Variants in GPHN observed in about 807,000 individuals in gnomAD.
GPHN encodes gephyrin.
In GPHN, 17 loss-of-function variants were observed where a neutral mutation model predicts 95.5. The observed-to-expected ratio is 0.18, with a 90% CI of 0.12 to 0.27. GPHN has a LOEUF of 0.27. GPHN is among the 10% of genes least tolerant of loss of function. GPHN has a pLI of 1.00. For synonymous variants in GPHN, 320 were observed against 322.5 expected, an observed-to-expected ratio of 0.99 and a Z score of 0.08; for missense variants, 660 against 978.1, an observed-to-expected ratio of 0.67 and a Z score of 4.34.
chr14:66,708,367 A>C (rs2069291457), intron 2 of GPHN, among the ~76,000 whole-genome samples: 2 of 152,124 alleles, frequency 1.3e-5, no homozygotes, highest in South Asian at 4.1e-4. Flanking sequence ...ATGCTTCCAC[A>C]AATGTTTTGG....
At chr14:66,986,264 G>A (rs1420454085) in intron 9 of GPHN, among the ~76,000 whole-genome samples, 1 of 152,054 alleles carries the variant, frequency 6.6e-6, no homozygotes, top group Non-Finnish European at 1.5e-5. Context: ...TTTATGTCAT[G>A]TAGTATAATG....
At chr14:67,126,781 A>G (rs2079345096) in intron 17 of GPHN, among the ~76,000 whole-genome samples, 1 of 151,918 alleles carries the variant, frequency 6.6e-6, no homozygotes, top group African/African-American at 2.4e-5. Context: ...ATGCTGCTAT[A>G]AAGACACATG....
chr14:66,834,763 G>C (rs555017439), intron 4 of GPHN, among the ~76,000 whole-genome samples: 2 of 150,576 alleles, frequency 1.3e-5, no homozygotes, highest in Non-Finnish European at 3.0e-5. Context: ...AATGATGCTG[G>C]CCTCATAAAA....
At chr14:67,693,649 C>T in the GPHN span, among the ~76,000 whole-genome samples, 37 of 148,496 alleles carry the variant, frequency 2.5e-4, no homozygotes, top group African/African-American at 8.7e-4. Flanking sequence ...CTTTCTCTTT[C>T]TCTTTTTTTT....
intron 3 of GPHN, among the ~76,000 whole-genome samples, chr14:66,784,909 T>C (rs2153465743): frequency 1.3e-5 from 2 of 152,270 alleles, no homozygotes; most frequent in Middle Eastern, 3.4e-3. Flanking sequence ...AATCTAAATA[T>C]GCCAATTAAA....
chr14:66,742,271 T>G lies in GPHN; in HGVS notation c.144-34193T>G, dbSNP rs373533087. The stretch of plus-strand genomic sequence containing the variant: ...ACTTTGGCCTTAACATTCTGATACA[T>G]GTTAATTGTTACACTATTTTATCCA... On this transcript the variant is annotated intron_variant, in intron 2 of 22. Transcript: ENST00000478722. Among the ~76,000 whole-genome samples the G allele has an allele frequency of 1.2e-3, 182 of 152,284 alleles. 1 individual carries two copies. The highest frequency in any genetic ancestry group is 4.0e-3 in the African/African-American group (166 of 41,550).
intron 2 of GPHN, among the ~76,000 whole-genome samples, chr14:66,713,324 T>C (rs1343060907): frequency 6.6e-6 from 1 of 152,214 alleles, no homozygotes; most frequent in Non-Finnish European, 1.5e-5. Context: ...AGGTGAGAGA[T>C]GAGGATCCAG....
chr14:67,220,272 C>CAAAAAAG, the GPHN span, among the ~76,000 whole-genome samples: 1 of 151,694 alleles, frequency 6.6e-6, no homozygotes, highest in South Asian at 2.1e-4. Flanking sequence ...CCTGTCCCTA[C>CAAAAAAG]AAAAAAGAAA....
At chr14:66,767,306 A>G (rs1286818516) in intron 2 of GPHN, among the ~76,000 whole-genome samples, 1 of 151,720 alleles carries the variant, frequency 6.6e-6, no homozygotes, top group African/African-American at 2.4e-5. Context: ...AATTTCTTTA[A>G]TTTTTACATT....
At chr14:66,712,485 C>T (rs2069739895) in intron 2 of GPHN, among the ~76,000 whole-genome samples, 1 of 151,994 alleles carries the variant, frequency 6.6e-6, no homozygotes, top group African/African-American at 2.4e-5. Flanking sequence ...GGATGTTAGC[C>T]CTTTGTCAGA....
At chr14:66,814,711 A>G (rs2060896230) in intron 3 of GPHN, among the ~76,000 whole-genome samples, 1 of 152,258 alleles carries the variant, frequency 6.6e-6, no homozygotes, top group African/African-American at 2.4e-5. Flanking sequence ...AAGATGAGAA[A>G]GAATCAGTGC....
chr14:67,421,704 T>G, the GPHN span, among the ~76,000 whole-genome samples: 1 of 152,130 alleles, frequency 6.6e-6, no homozygotes, highest in East Asian at 1.9e-4. Context: ...TCGGAGCCAT[T>G]GGTAAGAGCA....
intron 17 of GPHN, among the ~76,000 whole-genome samples, chr14:67,128,553 A>C (rs558313264): frequency 6.6e-6 from 1 of 152,214 alleles, no homozygotes; most frequent in Non-Finnish European, 1.5e-5. Context: ...TATGCATGGG[A>C]AGGTATTTAT....
the GPHN span, among the ~76,000 whole-genome samples, chr14:67,445,639 C>T: frequency 2.4e-5 from 3 of 124,668 alleles, no homozygotes; most frequent in Non-Finnish European, 3.2e-5. Flanking sequence ...GGCTGGAGTG[C>T]AGTGACATGA....
At chr14:66,588,646 G>C (rs1157460140) in intron 1 of GPHN, among the ~76,000 whole-genome samples, 1 of 151,970 alleles carries the variant, frequency 6.6e-6, no homozygotes, top group Non-Finnish European at 1.5e-5. Flanking sequence ...AGAGATTGAA[G>C]ATCAACTTAA....
rs894378313 is a variant in GPHN at position 67,088,993 on chromosome 14, G to C, written c.1155G>C (p.Gly385=). The C allele has an allele frequency of 2.5e-6, 4 of 1,589,574 alleles. No homozygotes were observed. The highest frequency in any genetic ancestry group is 2.6e-6 in the Non-Finnish European group (3 of 1,157,690). The change falls in exon 12 of 23, where the codon GGG becomes GGC. Residue 385 remains glycine (G), a synonymous_variant. Coordinates refer to ENST00000478722, the MANE Select transcript of GPHN (RefSeq NM_020806.5). ...TTTCTCTTCCTTCAGATGGAATGGG[G>C]CGAGTCCTTGCTCAAGATGTATATG... ...TEIINYRDGM[G]RVLAQDVYAK...
the GPHN span, among the ~76,000 whole-genome samples, chr14:67,445,474 A>T: frequency 1.3e-5 from 2 of 152,098 alleles, no homozygotes; most frequent in Admixed American, 6.6e-5. Flanking sequence ...TGGTGTCAGT[A>T]AAAAAGCACA....
At chr14:67,171,427 A>C (rs993567827) in intron 21 of GPHN, among the ~76,000 whole-genome samples, 1 of 152,086 alleles carries the variant, frequency 6.6e-6, no homozygotes, top group African/African-American at 2.4e-5. Context: ...CAATTCATCA[A>C]ATAGAATTAT....
intron 1 of GPHN, among the ~76,000 whole-genome samples, chr14:66,593,407 C>G (rs910237569): frequency 1.3e-5 from 2 of 151,844 alleles, no homozygotes; most frequent in African/African-American, 4.8e-5. Flanking sequence ...AGGAAACTTA[C>G]AATTATGGCA....
Sources: allele counts gnomAD v4.1 joint callset (sites outside exome capture counted in the v4.1 genomes callset), GRCh38; gene constraint gnomAD v4.1.1; transcripts MANE v1.5; gene names NCBI Gene and HGNC (gene_info 2026-07-23, HGNC 2026-07-21).